The following HOMER2 variants were observed in gnomAD, a reference collection of about 807,000 sequenced individuals.
The protein encoded by HOMER2 is homer scaffold protein 2.
A neutral mutation model predicts 47.0 loss-of-function variants in HOMER2; 27 were observed. The ratio of observed to expected loss-of-function variants is 0.57; its 90% CI spans 0.42 to 0.79. HOMER2 has a LOEUF of 0.79. HOMER2 is among the 30% of genes least tolerant of loss of function. The pLI, the probability that HOMER2 is intolerant of heterozygous loss-of-function variation, is 0.00. For synonymous variants in HOMER2, 161 were observed against 163.8 expected (o/e 0.98, Z 0.13); for missense variants, 443 against 435.0 (o/e 1.02, Z -0.16).
chr15:82,839,801 C>T (rs1053283348), exon 2 of HOMER2: 6 of 152,116 alleles, frequency 3.9e-5, no homozygotes, highest in East Asian at 1.9e-4. Context: ...CAAATGAATA[C>T]ATCTGATTGA....
chr15:82,934,003 C>T (rs1156888274), intron 1 of HOMER2, among the ~76,000 whole-genome samples: 1 of 152,140 alleles, frequency 6.6e-6, no homozygotes, highest in Non-Finnish European at 1.5e-5. Context: ...GCTCCCTATC[C>T]TCCCACACTC....
At chr15:82,877,470 A>G (rs1213131315) in intron 2 of HOMER2, among the ~76,000 whole-genome samples, 2 of 152,152 alleles carry the variant, frequency 1.3e-5, no homozygotes, top group Non-Finnish European at 2.9e-5. Flanking sequence ...CACCTGGCTG[A>G]GATTTGGGAA....
chr15:82,908,354 C>G (rs904742329), intron 1 of HOMER2, among the ~76,000 whole-genome samples: 5 of 152,210 alleles, frequency 3.3e-5, no homozygotes, highest in African/African-American at 1.2e-4. Flanking sequence ...AGCTTCTGCA[C>G]TCAGTCCCAA....
chr15:82,876,595 T>C (rs1423885230), intron 2 of HOMER2, among the ~76,000 whole-genome samples: 1 of 152,140 alleles, frequency 6.6e-6, no homozygotes, highest in Admixed American at 6.5e-5. Context: ...AAGGGCAGGG[T>C]AGCAATAACC....
chr15:82,836,583 C>G (rs973774698), downstream of HOMER2, among the ~76,000 whole-genome samples: 6 of 152,196 alleles, frequency 3.9e-5, no homozygotes, highest in African/African-American at 1.4e-4. Flanking sequence ...CTTCTCTGAC[C>G]TCTCTCTCCT....
chr15:82,898,474 G>T (rs1253040187), intron 1 of HOMER2: 1 of 152,178 alleles, frequency 6.6e-6, no homozygotes, highest in Non-Finnish European at 1.5e-5. Context: ...CTTCTTCAGT[G>T]CTTTAAATAG....
intron 1 of HOMER2, among the ~76,000 whole-genome samples, chr15:82,947,999 C>T (rs550714087): frequency 6.6e-6 from 1 of 152,300 alleles, no homozygotes; most frequent in Admixed American, 6.5e-5. Flanking sequence ...GGGCCCAGCA[C>T]TTTGGGAGGC....
rs1198043048 is a variant in HOMER2 at position 82,892,669 on chromosome 15, G to C, written c.162+16C>G. On this transcript the variant is annotated intron_variant, in intron 2 of 8. Coordinates refer to ENST00000450735, the MANE Select transcript of HOMER2 (RefSeq NM_004839.4). ...TAAGCAACTGGGAGTATTAAAATCA[G>C]CTGAGGGGGTGGTACCTTGGCTCCG... 6 of 1,500,362 alleles carry C rather than the reference G, an allele frequency of 4.0e-6. No individual in the cohort carries two copies. The highest frequency in any genetic ancestry group is 2.7e-6 in the Non-Finnish European group (3 of 1,107,978). The allele number at this position is 1,500,362 out of a possible 1,614,324, so 92.9% of individuals were successfully genotyped here. A position where few individuals can be genotyped will look rare whatever the true frequency, so the allele number is the denominator to read the frequency against.
chr15:82,864,878 C>G (rs545573843), intron 3 of HOMER2, among the ~76,000 whole-genome samples: 1 of 152,334 alleles, frequency 6.6e-6, no homozygotes, highest in African/African-American at 2.4e-5. Context: ...TTTTAATTAG[C>G]AAATTCATTG....
rs1014713073 is a variant in HOMER2, at chr15:82,855,594, T to C, written c.495-794A>G. The stretch of plus-strand genomic sequence containing the variant: ...TAATGGTCCCACTGTAACCTGTGCC[T>C]TCTCAGAGCCTTTGAAGGAATCCAG... On this transcript the variant is annotated intron_variant, in intron 5 of 8. Transcript: ENST00000450735. Among the ~76,000 whole-genome samples the C allele has an allele frequency of 7.2e-5, 11 of 152,174 alleles. 1 individual carries two copies. Among genetic ancestry groups the C allele is most frequent in the African/African-American group, 1.9e-4 (8 of 41,440 alleles).
chr15:82,854,428 AC>A (rs1360976154), intron 6 of HOMER2, among the ~76,000 whole-genome samples: 1 of 151,946 alleles, frequency 6.6e-6, no homozygotes, highest in African/African-American at 2.4e-5. Flanking sequence ...AGAAAATAAA[AC>A]CAGAAAAGGT....
At chr15:82,953,429 C>T (rs943023976), upstream of HOMER2, among the ~76,000 whole-genome samples, 2 of 152,192 alleles carry the variant, frequency 1.3e-5, no homozygotes, top group African/African-American at 4.8e-5. Flanking sequence ...AGCAGGCTCT[C>T]TTCGTCGCCT....
chr15:82,960,012 C>T (rs960468982), intron 1 of HOMER2, among the ~76,000 whole-genome samples: 1 of 152,150 alleles, frequency 6.6e-6, no homozygotes, highest in African/African-American at 2.4e-5. Context: ...TTGGCAGCAG[C>T]ACAACGAGAA....
intron 1 of HOMER2, among the ~76,000 whole-genome samples, chr15:82,980,944 C>CG (rs1346456383): frequency 6.6e-6 from 1 of 151,812 alleles, no homozygotes; most frequent in Admixed American, 6.6e-5. Context: ...ATACGCATGT[C>CG]GGGGGGAAAG....
intron 1 of HOMER2, among the ~76,000 whole-genome samples, chr15:82,961,563 T>C (rs1389113255): frequency 6.6e-6 from 1 of 152,246 alleles, no homozygotes; most frequent in Non-Finnish European, 1.5e-5. Flanking sequence ...TTTATCACTT[T>C]GTAAAAATGT....
chr15:82,966,979 T>A (rs1821514382), intron 1 of HOMER2, among the ~76,000 whole-genome samples: 2 of 152,198 alleles, frequency 1.3e-5, no homozygotes, highest in Admixed American at 6.5e-5. Context: ...TGTTTGTGGC[T>A]GGATACGGTG....
exon 2 of HOMER2, chr15:82,841,398 T>G (rs1294311632): frequency 6.6e-6 from 1 of 152,076 alleles, no homozygotes; most frequent in Non-Finnish European, 1.5e-5. Flanking sequence ...AACCCCAACA[T>G]CCATTACTAA....
intron 2 of HOMER2, 137 bp downstream of exon 2, chr15:82,892,548 T>C: frequency 1.5e-6 from 1 of 645,504 alleles, no homozygotes; most frequent in Non-Finnish European, 2.4e-6. Context: ...TTACCGTAAG[T>C]TTAAATGCAA....
chr15:82,854,937 G>A, intron 5 of HOMER2, 137 bp from the exon 6 acceptor site: 3 of 1,010,104 alleles, frequency 3.0e-6, no homozygotes, highest in South Asian at 1.7e-5. Flanking sequence ...AAGCTGGCAG[G>A]TGGGTCTGGC....
Sources: gnomAD v4.1 joint callset for allele counts (sites outside exome capture counted in the v4.1 genomes callset) on GRCh38, gnomAD v4.1.1 for gene constraint, MANE v1.5 for transcripts, NCBI Gene and HGNC (gene_info 2026-07-23, HGNC 2026-07-21) for gene names.